The following PCNX1 variants were observed in gnomAD, a reference collection of about 807,000 sequenced individuals.
PCNX1 encodes pecanex 1.
In PCNX1, 78 loss-of-function variants were observed where a neutral mutation model predicts 242.2. The ratio of observed to expected loss-of-function variants is 0.32; its 90% confidence interval spans 0.27 to 0.39. PCNX1 has a LOEUF of 0.39. Among genes scored for constraint, PCNX1 ranks in the 10% least tolerant of loss-of-function variants. The pLI, the probability that PCNX1 is intolerant of heterozygous loss-of-function variation, is 1.00. For synonymous variants in PCNX1, 1,024 were observed against 1,032.9 expected (o/e 0.99, Z 0.17); for missense variants, 2,581 against 2,856.5 (o/e 0.90, Z 2.20).
chr14:71,035,972 A>T, intron 18 of PCNX1, 93 bp from the exon 19 acceptor site: 1 of 837,894 alleles, frequency 1.2e-6, no homozygotes, highest in Non-Finnish European at 1.9e-6. Flanking sequence ...CCAGGCAAAA[A>T]ATTAATTCTT....
At chr14:71,084,377 T>A (rs2061931598) in intron 28 of PCNX1, among the ~76,000 whole-genome samples, 1 of 152,236 alleles carries the variant, frequency 6.6e-6, no homozygotes, top group Non-Finnish European at 1.5e-5. Context: ...GCTCAAGTGC[T>A]GTGCTGGGAG....
At chr14:70,910,017 A>G (rs2055753799) in intron 1 of PCNX1, among the ~76,000 whole-genome samples, 1 of 17,270 alleles carries the variant, frequency 5.8e-5, no homozygotes, top group Admixed American at 5.1e-4. Context: ...AAACCTAACT[A>G]GACGACGACT....
Position 71,083,216 on chromosome 14 carries a change from G to C in PCNX1, c.5338-5114G>C, listed in dbSNP as rs571045137. 3.9e-5 allele frequency among the ~76,000 whole-genome samples: 6 copies of C among 152,334 alleles called. No homozygotes were observed. In the South Asian group the frequency reaches 8.3e-4, roughly 21 times the overall value. On this transcript the variant is annotated intron_variant, in intron 28 of 35. Transcript: ENST00000304743. Reference sequence around the variant, plus strand: ...CTGGCTTGTGCGGTTTCTGCAGAGAGATCTGCTGTTAGTCTGATGGGCTTC... The same window carrying C: ...CTGGCTTGTGCGGTTTCTGCAGAGACATCTGCTGTTAGTCTGATGGGCTTC...
chr14:70,930,815 A>G (rs987447185), intron 1 of PCNX1, among the ~76,000 whole-genome samples: 2 of 152,066 alleles, frequency 1.3e-5, no homozygotes, highest in African/African-American at 2.4e-5. Context: ...CTGAATCTCA[A>G]CATTGAGAGT....
intron 15 of PCNX1, among the ~76,000 whole-genome samples, chr14:71,028,061 A>G (rs1212293683): frequency 6.6e-6 from 1 of 151,940 alleles, no homozygotes; most frequent in African/African-American, 2.4e-5. Context: ...TGTTTTAAAA[A>G]TAAAGTCTAG....
At chr14:70,944,463 CA>C (rs1443742581) in intron 1 of PCNX1, among the ~76,000 whole-genome samples, 7 of 152,228 alleles carry the variant, frequency 4.6e-5, no homozygotes, top group Non-Finnish European at 1.0e-4. Context: ...TGTATTTACC[CA>C]TTGCCTGTAT....
chr14:71,054,556 C>G (rs2061129183), intron 24 of PCNX1, among the ~76,000 whole-genome samples: 1 of 152,086 alleles, frequency 6.6e-6, no homozygotes, highest in African/African-American at 2.4e-5. Context: ...ATAACAGGCT[C>G]ACTTTCTTTA....
intron 2 of PCNX1, among the ~76,000 whole-genome samples, chr14:70,948,662 C>T (rs532254791): frequency 7.1e-6 from 1 of 140,090 alleles, no homozygotes; most frequent in African/African-American, 2.5e-5. Flanking sequence ...TGTATATATA[C>T]ACGTGTCTAT....
chr14:71,098,551 T>TGAGAGAGA (rs1480000997), intron 30 of PCNX1, among the ~76,000 whole-genome samples: 2,639 of 128,912 alleles, frequency 0.02, 49 homozygotes, highest in African/African-American at 0.065. Flanking sequence ...TGTGTGTGTG[T>TGAGAGAGA]GTGAGAGAGA....
At position 71,013,200 on chromosome 14, in the gene PCNX1, T is replaced by C. The variant is rs577676708; in HGVS notation, c.2994T>C (p.Asp998=). The change falls in exon 11 of 36, where the codon GAT becomes GAC. Residue 998 remains aspartate (D), a splice_region_variant and synonymous_variant. Transcript: ENST00000304743. ...FDRLTLLALF[D]RNREILENVL... is the part of the protein sequence containing the mutation. ...GACTCACACTTTTGGCCCTGTTTGATAGGTGAGATTATAGTGTGATATTAA... is the reference window on the plus strand; with the variant it reads ...GACTCACACTTTTGGCCCTGTTTGACAGGTGAGATTATAGTGTGATATTAA... 5.0e-6 allele frequency: 8 copies of C among 1,601,490 alleles called. No individual in the cohort carries two copies. In the South Asian group the frequency reaches 8.8e-5, roughly 18 times the overall value.
intron 6 of PCNX1, among the ~76,000 whole-genome samples, chr14:70,982,715 T>C (rs1046910872): frequency 1.3e-5 from 2 of 152,214 alleles, no homozygotes; most frequent in African/African-American, 4.8e-5. Context: ...TGTTTGTATA[T>C]AGAATTCCCA....
intron 7 of PCNX1, among the ~76,000 whole-genome samples, chr14:70,993,759 A>T (rs192802789): frequency 3.9e-5 from 6 of 152,286 alleles, no homozygotes; most frequent in African/African-American, 1.4e-4. Flanking sequence ...ATCGGAAGGG[A>T]CACAGGGACG....
chr14:70,956,023 G>C (rs1026159395), intron 2 of PCNX1, among the ~76,000 whole-genome samples: 1 of 152,060 alleles, frequency 6.6e-6, no homozygotes, highest in Non-Finnish European at 1.5e-5. Flanking sequence ...ATGTAGCAAT[G>C]TCTGGAGCTT....
intron 30 of PCNX1, among the ~76,000 whole-genome samples, chr14:71,100,921 T>G (rs1277171920): frequency 6.6e-6 from 1 of 152,202 alleles, no homozygotes. Flanking sequence ...AGCTTCAGTT[T>G]TTAAACATGG....
intron 6 of PCNX1, among the ~76,000 whole-genome samples, chr14:70,987,844 A>T (rs2059045259): frequency 6.6e-6 from 1 of 152,212 alleles, no homozygotes; most frequent in South Asian, 2.1e-4. Flanking sequence ...GCTTGTTTGT[A>T]CTTTATTTTT....
chr14:70,944,476 C>T (rs1053035118), intron 1 of PCNX1, among the ~76,000 whole-genome samples: 2 of 152,174 alleles, frequency 1.3e-5, no homozygotes, highest in African/African-American at 4.8e-5. Context: ...TGCCTGTATC[C>T]CCATTGTACC....
chr14:70,975,103 T>C (rs11628416), intron 5 of PCNX1, among the ~76,000 whole-genome samples: 2,119 of 152,302 alleles, frequency 0.014, 22 homozygotes, highest in Non-Finnish European at 0.023. Context: ...CCTTTTGTTA[T>C]CTTAGATTTA....
intron 7 of PCNX1, among the ~76,000 whole-genome samples, chr14:70,994,433 A>G (rs1329235067): frequency 7.2e-6 from 1 of 139,054 alleles, no homozygotes; most frequent in Admixed American, 7.3e-5. Flanking sequence ...ATATATATGT[A>G]TGTATGTATG....
chr14:71,089,194 A>C lies in PCNX1; in HGVS notation c.5441A>C (p.Asn1814Thr), dbSNP rs2062066999. The change falls in exon 30 of 36, where the codon AAT becomes ACT. Residue 1814 changes from asparagine (N) to threonine (T), a missense_variant and splice_region_variant. Physicochemically the swap from Asn to Thr is moderately conservative, Grantham distance 65. Transcript: ENST00000304743. ...ACTTTTATCTCCAATCTTAACAGTA[A>C]TTTAGAGTCATTCCTCTATGGATTG... ...LGTASHHMSS[N>T]LESFLYGLHA... 6.2e-7 allele frequency: 1 copy of C among 1,605,630 alleles called. No individual in the cohort carries two copies. Among genetic ancestry groups the C allele is most frequent in the African/African-American group, 1.3e-5 (1 of 74,770 alleles).
Sources: gnomAD v4.1 joint callset for allele counts (sites outside exome capture counted in the v4.1 genomes callset) on GRCh38, gnomAD v4.1.1 for gene constraint, MANE v1.5 for transcripts, NCBI Gene and HGNC (gene_info 2026-07-23, HGNC 2026-07-21) for gene names.